RPL7: variants seen among roughly 807,000 people sequenced by gnomAD.
The protein encoded by RPL7 is large ribosomal subunit protein uL30.
For synonymous variants in RPL7, 100 were observed against 102.2 expected, an observed-to-expected ratio of 0.98 and a Z score of 0.13; for missense variants, 205 against 301.9, an observed-to-expected ratio of 0.68 and a Z score of 2.38.
chr8:73,292,865 T>G (rs1248164754), intron 1 of RPL7, 68 bp from the exon 2 acceptor site: 2 of 1,131,152 alleles, frequency 1.8e-6, no homozygotes, highest in African/African-American at 3.1e-5. Context: ...ACTCCCGTAC[T>G]GAGCAGTGTT....
rs1814121753 is a variant in RPL7, at chr8:73,292,384, G to A, written c.145C>T (p.Leu49Phe). ...TAGTGCTTTGCTTTTTCATAGATAA[G>A]CTTCCTCCTTGCCTTTCGAAGCTGA... ...QKMLRKARRKLIYEKAKHYHK... is the reference protein window; with the variant it reads ...QKMLRKARRKFIYEKAKHYHK... The change falls in exon 3 of 7, where the codon CTT becomes TTT. Residue 49 changes from leucine (L) to phenylalanine (F), a missense_variant. By Grantham distance (22) the Leu-to-Phe change is conservative. Transcript: ENST00000352983. 8.8e-6 allele frequency: 14 copies of A among 1,596,896 alleles called. No homozygotes were observed. The highest frequency in any genetic ancestry group is 1.2e-5 in the Non-Finnish European group (14 of 1,177,126).
Position 73,293,479 on chromosome 8 carries a change from ACAAT to A in RPL7, c.14+116_14+119del. 11 of 1,277,558 alleles carry A rather than the reference ACAAT, an allele frequency of 8.6e-6. No individual in the cohort carries two copies. In the South Asian group the frequency reaches 1.1e-4, roughly 13 times the overall value. The allele number at this position is 1,277,558 out of a possible 1,614,324, so 79.1% of individuals were successfully genotyped here. ...TCCCCACTGGTGTCACACAGCGTTCACAATCAAGCAGGGAGGTGGGCAAAGGTGC... is the reference window on the plus strand; with the variant it reads ...TCCCCACTGGTGTCACACAGCGTTCACAAGCAGGGAGGTGGGCAAAGGTGC... On this transcript the variant is annotated intron_variant, in intron 1 of 6. Transcript: ENST00000352983.
intron 3 of RPL7, 30 bp downstream of exon 3, chr8:73,292,209 C>CTTTT: frequency 6.6e-7 from 1 of 1,503,800 alleles, no homozygotes; most frequent in Admixed American, 2.0e-5. Context: ...TTTTCCCATT[C>CTTTT]AAACCCGAAT....
chr8:73,292,905 G>T, intron 1 of RPL7, 108 bp from the exon 2 acceptor site: 1 of 752,476 alleles, frequency 1.3e-6, no homozygotes, highest in Non-Finnish European at 2.2e-6. Context: ...ACTGACTTTA[G>T]TCACTAGTAA....
chr8:73,291,834 C>G lies in RPL7; in HGVS notation c.367G>C (p.Val123Leu). ...TTAATCGAAGCCTTGTTGAGCTTCA[C>G]AAAGGTTCCATTGAAGATTTGACGA... Reference protein sequence around the residue: ...RLRQIFNGTFVKLNKASINML... With the variant: ...RLRQIFNGTFLKLNKASINML... The change falls in exon 4 of 7, where the codon GTG (valine) becomes CTG (leucine). Residue 123 changes from valine to leucine, a missense_variant. Val to Leu is a conservative substitution (Grantham distance 32, BLOSUM62 1). Transcript: ENST00000352983. 1.2e-6 allele frequency: 2 copies of G among 1,613,180 alleles called. No homozygotes were observed. The highest frequency in any genetic ancestry group is 1.7e-6 in the Non-Finnish European group (2 of 1,179,188).
intron 4 of RPL7, 29 bp downstream of exon 4, chr8:73,291,744 A>C: frequency 1.3e-6 from 2 of 1,594,328 alleles, no homozygotes; most frequent in Non-Finnish European, 1.7e-6. Flanking sequence ...AATTTATCAA[A>C]TAGAAATCAA....
intron 4 of RPL7, 35 bp downstream of exon 4, chr8:73,291,735 ATTT>A: frequency 6.3e-7 from 1 of 1,592,810 alleles, no homozygotes. Context: ...TACATAACCA[ATTT>A]ATCAAATAGA....
At chr8:73,291,313 C>A in intron 5 of RPL7, 61 bp from the exon 6 acceptor site, 1 of 1,373,304 alleles carries the variant, frequency 7.3e-7, no homozygotes, top group South Asian at 1.3e-5. Context: ...AATAATTATT[C>A]AAAATCTTTT....
chr8:73,291,404 T>G, intron 5 of RPL7, 148 bp downstream of exon 5: 1 of 848,254 alleles, frequency 1.2e-6, no homozygotes, highest in Non-Finnish European at 1.8e-6. Context: ...TTCAAGCTAA[T>G]GAAACCATGT....
rs1029619354 is a variant in RPL7 at position 73,291,415 on chromosome 8, C to A, written c.538+137G>T. 2.9e-5 allele frequency: 25 copies of A among 850,566 alleles called. No individual in the cohort carries two copies. In the African/African-American group the frequency reaches 4.0e-4, roughly 13 times the overall value. 52.7% of individuals were successfully genotyped at this position (850,566 alleles called of 1,614,324 possible). A position where few individuals can be genotyped will look rare whatever the true frequency, so the allele number is the denominator to read the frequency against. ...AAGGTTCAAGCTAATGAAACCATGT[C>A]TTACGTTTTCTTTTAAGCTAAATCA... On this transcript the variant is annotated intron_variant, in intron 5 of 6. Transcript: ENST00000352983.
At chr8:73,293,187 TAAA>T (rs994864616) in intron 1 of RPL7, 4 of 196,778 alleles carry the variant, frequency 2.0e-5, no homozygotes, top group Non-Finnish European at 3.9e-5. Context: ...AAAATAAAAA[TAAA>T]AAAAAAACAA....
Position 73,291,163 on chromosome 8 carries a change from G to A in RPL7, c.628C>T (p.Pro210Ser), listed in dbSNP as rs940796376. ...CCTCGTGGAGAAGACAATTTGAAGG[G>A]CCACAGGAAGTTATTTGCCTCTTTG... ...RFKEANNFLW[P>S]FKLSSPRGGM... The change falls in exon 6 of 7, where the codon CCC becomes TCC. Residue 210 changes from proline (P) to serine (S), a missense_variant. By Grantham distance (74) the Pro-to-Ser change is moderately conservative. Coordinates refer to ENST00000352983, the MANE Select transcript of RPL7 (RefSeq NM_000971.4). 4.4e-6 allele frequency: 7 copies of A among 1,605,454 alleles called. No homozygotes were observed. In the East Asian group the frequency reaches 6.7e-5, roughly 15 times the overall value.
chr8:73,293,544 A>T (rs1814165228), intron 1 of RPL7, 55 bp downstream of exon 1: 1 of 1,607,380 alleles, frequency 6.2e-7, no homozygotes, highest in Admixed American at 1.7e-5. Context: ...TGACACAAAA[A>T]GTATCTGGCT....
In RPL7 at chr8:73,293,624, G is replaced by C. The variant is rs754467210; in HGVS notation, c.-12C>G. 7.4e-6 allele frequency: 12 copies of C among 1,613,670 alleles called. No homozygotes were observed. Among genetic ancestry groups the C allele is most frequent in the Non-Finnish European group, 1.0e-5 (12 of 1,179,794 alleles). On this transcript the variant is annotated 5_prime_UTR_variant, in exon 1 of 7. Transcript: ENST00000352983. ...TCTACACCCTCCATGGTTCCAGCCG[G>C]AAAAAGAGGAAGTTGGCGCATGCGT...
intron 2 of RPL7, 75 bp downstream of exon 2, chr8:73,292,613 GC>G: frequency 2.5e-6 from 3 of 1,182,618 alleles, no homozygotes; most frequent in Non-Finnish European, 3.7e-6. Context: ...AGTAAATCTT[GC>G]CAAGAACATT....
At position 73,292,341 on chromosome 8, in the gene RPL7, T is replaced by C; in HGVS notation, c.188A>G (p.Gln63Arg). Residue 63 changes from glutamine to arginine, a missense_variant, in exon 3 of 7, where the codon CAG becomes CGG. Transcript: ENST00000352983. ...KAKHYHKEYR[Q>R]MYRTEIRMAR... ...CATTCGAATTTCAGTTCTGTACATC[T>C]GCCTATATTCCTTGTGATAGTGCTT... The C allele has an allele frequency of 1.9e-6, 3 of 1,606,300 alleles. No homozygotes were observed. The highest frequency in any genetic ancestry group is 1.3e-5 in the African/African-American group (1 of 75,040).
At chr8:73,290,799 T>TGA in intron 6 of RPL7, 94 bp from the exon 7 acceptor site, 1 of 467,768 alleles carries the variant, frequency 2.1e-6, no homozygotes, top group Non-Finnish European at 3.8e-6. Flanking sequence ...GAGTTTACAT[T>TGA]TTTAAGACCA....
chr8:73,291,903 C>T lies in RPL7; in HGVS notation c.298G>A (p.Gly100Arg), dbSNP rs768845791. The T allele has an allele frequency of 6.2e-7, 1 of 1,611,794 alleles. No homozygotes were observed. The highest frequency in any genetic ancestry group is 1.1e-5 in the South Asian group (1 of 91,044). ...AFVIRIRGIN[G>R]VSPKVRKVLQ... ...ACCTTTCGAACCTTTGGGCTCACTCCATTGATACTGTGGTGAAAACGGACC... is the reference window on the plus strand; with the variant it reads ...ACCTTTCGAACCTTTGGGCTCACTCTATTGATACTGTGGTGAAAACGGACC... The change falls in exon 4 of 7, where the codon GGA becomes AGA. Residue 100 changes from glycine to arginine, a missense_variant. By Grantham distance (125) the Gly-to-Arg change is moderately radical (BLOSUM62 -2). Transcript: ENST00000352983.
In RPL7 at chr8:73,291,405, G is replaced by A. The variant is rs1051163246; in HGVS notation, c.538+147C>T. Reference sequence around the variant, plus strand: ...TTACAAAGATAAGGTTCAAGCTAATGAAACCATGTCTTACGTTTTCTTTTA... The same window carrying A: ...TTACAAAGATAAGGTTCAAGCTAATAAAACCATGTCTTACGTTTTCTTTTA... On this transcript the variant is annotated intron_variant, in intron 5 of 6. Coordinates refer to ENST00000352983, the MANE Select transcript of RPL7 (RefSeq NM_000971.4). 2.9e-5 allele frequency: 25 copies of A among 849,302 alleles called. No homozygotes were observed. The African/African-American group carries it at 3.1e-4, about 11-fold the overall frequency. 52.6% of individuals were successfully genotyped at this position (849,302 alleles called of 1,614,324 possible).
Sources: gnomAD v4.1 joint callset for allele counts on GRCh38, gnomAD v4.1.1 for gene constraint, MANE v1.5 for transcripts, NCBI Gene and HGNC (gene_info 2026-07-23, HGNC 2026-07-21) for gene names.